Variants in AIG1 observed in about 807,000 individuals in gnomAD.
AIG1 encodes the protein androgen induced 1.
Under a neutral mutation model 31.4 loss-of-function variants are expected in AIG1, and 23 were observed. That is an observed-to-expected ratio of 0.73 (90% CI 0.53 to 1.04). The LOEUF is 1.04. AIG1 is among the 50% of genes least tolerant of loss of function. AIG1 has a pLI of 0.00. For synonymous variants in AIG1, 100 were observed against 110.5 expected (o/e 0.90, Z 0.60); for missense variants, 274 against 295.0 (o/e 0.93, Z 0.52).
chr6:143,270,042 A>C (rs1304033107), intron 3 of AIG1, among the ~76,000 whole-genome samples: 2 of 152,214 alleles, frequency 1.3e-5, no homozygotes, highest in Non-Finnish European at 2.9e-5. Context: ...CACTGGATAC[A>C]AAAAATGTGA....
intron 3 of AIG1, among the ~76,000 whole-genome samples, chr6:143,241,868 A>C (rs1794266502): frequency 6.6e-6 from 1 of 152,236 alleles, no homozygotes; most frequent in African/African-American, 2.4e-5. Context: ...AAATTGTTTA[A>C]AATATCATGT....
Position 143,328,527 on chromosome 6 carries a change from T to G in AIG1, c.516-4755T>G, listed in dbSNP as rs1776794539. Among the ~76,000 whole-genome samples, 1 of 152,218 alleles carries G rather than the reference T, an allele frequency of 6.6e-6. No individual in the cohort carries two copies. Among genetic ancestry groups the G allele is most frequent in the African/African-American group, 2.4e-5 (1 of 41,466 alleles). ...TACCCTTTCTTAATTCTGACTACAC[T>G]TGTAATTCTTAATTATCTGTGTTTC... On this transcript the variant is annotated intron_variant, in intron 4 of 5. Coordinates refer to ENST00000357847, the MANE Select transcript of AIG1 (RefSeq NM_016108.4). This position sits in a 1 kb window ranked among gnomAD's most constrained non-coding sequence, Gnocchi z 4.0.
chr6:143,187,448 G>C, intron 3 of AIG1: 1 of 1,535,438 alleles, frequency 6.5e-7, no homozygotes, highest in Non-Finnish European at 8.7e-7. Context: ...TGATCAGCTT[G>C]GTTGAAGTTT....
chr6:143,287,214 A>C (rs1305409516), intron 4 of AIG1, among the ~76,000 whole-genome samples: 1 of 152,122 alleles, frequency 6.6e-6, no homozygotes, highest in East Asian at 1.9e-4. Flanking sequence ...GGATACATAC[A>C]GAGGTCTCCT....
intron 3 of AIG1, chr6:143,190,236 A>G: frequency 2.0e-6 from 2 of 985,516 alleles, no homozygotes; most frequent in Non-Finnish European, 2.4e-6. Flanking sequence ...ACCATAAGGA[A>G]CACCATGACT....
intron 3 of AIG1, among the ~76,000 whole-genome samples, chr6:143,215,354 C>T (rs535762823): frequency 6.6e-6 from 1 of 152,264 alleles, no homozygotes; most frequent in South Asian, 2.1e-4. Flanking sequence ...CCTAACTCAG[C>T]ATCCACTTTC....
At chr6:143,112,946 T>A (rs1781417319) in intron 1 of AIG1, among the ~76,000 whole-genome samples, 1 of 152,056 alleles carries the variant, frequency 6.6e-6, no homozygotes. Context: ...CTTGAAAAAA[T>A]AAGCATCTTA....
intron 3 of AIG1, among the ~76,000 whole-genome samples, chr6:143,171,467 T>G (rs1274692651): frequency 8.5e-6 from 1 of 117,718 alleles, no homozygotes; most frequent in Non-Finnish European, 1.6e-5. Flanking sequence ...TATATATATT[T>G]AATATATATA....
chr6:143,306,988 C>T (rs1441645464), intron 4 of AIG1, among the ~76,000 whole-genome samples: 1 of 152,204 alleles, frequency 6.6e-6, no homozygotes, highest in Non-Finnish European at 1.5e-5. Context: ...TCCAGTTGAT[C>T]ACATCGGCTC....
chr6:143,064,932 G>A (rs1776560619), intron 1 of AIG1, among the ~76,000 whole-genome samples: 1 of 152,192 alleles, frequency 6.6e-6, no homozygotes, highest in Admixed American at 6.5e-5. Context: ...GATGGGGAAG[G>A]GGTTGCTTTA....
At chr6:143,143,528 A>AAAAAATATATATATAT (rs1554249782) in intron 2 of AIG1, among the ~76,000 whole-genome samples, 6 of 27,772 alleles carry the variant, frequency 2.2e-4, no homozygotes, top group East Asian at 2.6e-3. Flanking sequence ...AAAAAAAAAA[A>AAAAAATATATATATAT]ATATATATAT....
intron 2 of AIG1, among the ~76,000 whole-genome samples, chr6:143,163,681 T>G (rs532372117): frequency 3.3e-5 from 5 of 152,320 alleles, no homozygotes; most frequent in South Asian, 4.1e-4. Flanking sequence ...AAATCCACTC[T>G]TTGTGCTCAG....
intron 1 of AIG1, among the ~76,000 whole-genome samples, chr6:143,134,306 A>G (rs1258477402): frequency 6.6e-6 from 1 of 150,486 alleles, no homozygotes; most frequent in Non-Finnish European, 1.5e-5. Context: ...GCATTTCTTC[A>G]TGTATTACTT....
intron 3 of AIG1, among the ~76,000 whole-genome samples, chr6:143,227,926 A>G (rs998710449): frequency 6.6e-6 from 1 of 152,138 alleles, no homozygotes; most frequent in African/African-American, 2.4e-5. Context: ...ATTCCTCTTT[A>G]TCTGTTAGGT....
At chr6:143,102,435 C>T (rs961864213) in intron 1 of AIG1, among the ~76,000 whole-genome samples, 3 of 147,386 alleles carry the variant, frequency 2.0e-5, no homozygotes, top group Non-Finnish European at 4.5e-5. Context: ...AATGGAAATG[C>T]ATTGTTCAGG....
intron 1 of AIG1, among the ~76,000 whole-genome samples, chr6:143,127,006 T>G (rs947570684): frequency 6.6e-6 from 1 of 152,160 alleles, no homozygotes; most frequent in African/African-American, 2.4e-5. Flanking sequence ...AGTAGGGAGA[T>G]CTACAGAGTA....
intron 2 of AIG1, among the ~76,000 whole-genome samples, chr6:143,151,821 A>T (rs1317362060): frequency 3.3e-5 from 5 of 152,240 alleles, no homozygotes; most frequent in Admixed American, 1.3e-4. Context: ...GGGAAGCCGA[A>T]TTCTGGGTGA....
intron 4 of AIG1, among the ~76,000 whole-genome samples, chr6:143,296,289 T>C (rs893037054): frequency 5.3e-5 from 8 of 152,204 alleles, no homozygotes; most frequent in African/African-American, 1.7e-4. Context: ...CCAGAGTGAC[T>C]GACATCCTAT....
intron 3 of AIG1, among the ~76,000 whole-genome samples, chr6:143,250,230 T>TAGG (rs1794919794): frequency 6.6e-6 from 1 of 152,168 alleles, no homozygotes; most frequent in Admixed American, 6.5e-5. Context: ...GGCCCTGGAA[T>TAGG]AGGAAGCAGC....
Sources: gnomAD v4.1 joint callset for allele counts (sites outside exome capture counted in the v4.1 genomes callset) on GRCh38, gnomAD v4.1.1 for gene constraint, Gnocchi (gnomAD v3.1) non-coding constraint, MANE v1.5 for transcripts, NCBI Gene and HGNC (gene_info 2026-07-23, HGNC 2026-07-21) for gene names.